The following CCL26 variants were observed in gnomAD, a reference collection of about 807,000 sequenced individuals.
CCL26 encodes C-C motif chemokine ligand 26, also known as C-C motif chemokine 26.
CCL26 carries 10 observed loss-of-function variants against 10.7 expected under a neutral mutation model. The observed-to-expected ratio is 0.93, with a 90% CI of 0.57 to 1.58. The LOEUF (loss-of-function observed/expected upper bound fraction) is 1.58, where lower values mean the gene tolerates loss of function less well. CCL26 is among the 40% of genes most tolerant of loss of function. The probability of loss-of-function intolerance (pLI) is 0.00; values close to 1 mark genes in which losing one functional copy is unlikely to be tolerated. For synonymous variants in CCL26, 43 were observed against 41.4 expected, an observed-to-expected ratio of 1.04 and a Z score of -0.15; for missense variants, 116 against 111.0, an observed-to-expected ratio of 1.05 and a Z score of -0.20.
At chr7:75,783,332 C>T (rs1490326415) in intron 1 of CCL26, among the ~76,000 whole-genome samples, 4 of 152,124 alleles carry the variant, frequency 2.6e-5, no homozygotes, top group South Asian at 2.1e-4. Context: ...CACTGATAAC[C>T]GCCGGCTTCA....
chr7:75,778,902 G>A (rs190024640), intron 1 of CCL26, among the ~76,000 whole-genome samples: 135 of 152,192 alleles, frequency 8.9e-4, no homozygotes, highest in African/African-American at 3.0e-3. Flanking sequence ...CCAACATGGT[G>A]AAACCCCATT....
At chr7:75,781,287 C>T (rs988958480) in intron 1 of CCL26, among the ~76,000 whole-genome samples, 33 of 152,344 alleles carry the variant, frequency 2.2e-4, no homozygotes, top group African/African-American at 6.5e-4. Flanking sequence ...CAAGTAGCAA[C>T]GTATTTCTGA....
At chr7:75,779,765 T>C (rs782495168) in intron 1 of CCL26, among the ~76,000 whole-genome samples, 1 of 152,178 alleles carries the variant, frequency 6.6e-6, no homozygotes, top group Non-Finnish European at 1.5e-5. Flanking sequence ...CCACATTCCC[T>C]TGGTGGCAAG....
At chr7:75,776,513 A>AAAGGAAGGAAGG (rs58177095), upstream of CCL26, among the ~76,000 whole-genome samples, 9 of 109,072 alleles carry the variant, frequency 8.3e-5, no homozygotes, top group African/African-American at 1.9e-4. Context: ...TGCACTCCAA[A>AAAGGAAGGAAGG]AAGGAAGGAA....
At chr7:75,790,245 C>CCAT (rs1803305148), upstream of CCL26, among the ~76,000 whole-genome samples, 17 of 92,614 alleles carry the variant, frequency 1.8e-4, no homozygotes, top group South Asian at 2.5e-3. Context: ...CTTCCATCCT[C>CCAT]CCTCCCTCCC....
chr7:75,772,685 A>C (rs945337463), upstream of CCL26, among the ~76,000 whole-genome samples: 1 of 150,006 alleles, frequency 6.7e-6, no homozygotes, highest in Non-Finnish European at 1.5e-5. Flanking sequence ...AACAAACAAC[A>C]AAAAAAAACA....
intron 1 of CCL26, among the ~76,000 whole-genome samples, chr7:75,777,457 T>C (rs1341727005): frequency 2.6e-5 from 4 of 151,798 alleles, no homozygotes; most frequent in African/African-American, 9.7e-5. Flanking sequence ...GGGGAAAAAG[T>C]CAGATATAAG....
rs1430142257 is a variant in CCL26, at chr7:75,788,489, G to GC, written c.-79+1227dup. ...CTCTCTTTTTGGACTCAGCCCGCCT[G>GC]CACCCAGGTGACTAAAAAGCTTTAT... On this transcript the variant is annotated intron_variant, in intron 1 of 3. Transcript: ENST00000394905. Among the ~76,000 whole-genome samples the GC allele has an allele frequency of 2.0e-5, 3 of 151,582 alleles. 1 individual carries two copies. The highest frequency in any genetic ancestry group is 2.0e-4 in the Admixed American group (3 of 15,174).
At chr7:75,786,199 G>A (rs1803181006) in intron 1 of CCL26, among the ~76,000 whole-genome samples, 1 of 152,118 alleles carries the variant, frequency 6.6e-6, no homozygotes, top group Non-Finnish European at 1.5e-5. Flanking sequence ...TCCCATGACT[G>A]TATCTCTCTG....
chr7:75,788,766 A>C (rs1803258178), intron 1 of CCL26, among the ~76,000 whole-genome samples: 1 of 150,580 alleles, frequency 6.6e-6, no homozygotes, highest in Non-Finnish European at 1.5e-5. Flanking sequence ...GAGTCAGAAG[A>C]GTGGTCACCC....
intron 1 of CCL26, among the ~76,000 whole-genome samples, chr7:75,786,379 C>T (rs1554530003): frequency 6.6e-6 from 1 of 152,162 alleles, no homozygotes; most frequent in African/African-American, 2.4e-5. Flanking sequence ...ACCGCTCTGC[C>T]TCCCTCCACT....
rs1554527884 is a variant in CCL26 at position 75,769,742 on chromosome 7, T to G, written c.236A>C (p.Lys79Thr). The G allele has an allele frequency of 6.2e-7, 1 of 1,613,184 alleles. No individual in the cohort carries two copies. Among genetic ancestry groups the G allele is most frequent in the East Asian group, 2.2e-5 (1 of 44,884 alleles). The change falls in exon 3 of 3, where the codon AAA becomes ACA. Residue 79 changes from lysine (K) to threonine (T), a missense_variant. Transcript: ENST00000005180. ...TAAAGAAATGTATTTTTGCACCCAT[T>G]TTTTCCTTGGATGGGTACAGACTTT... ...GKKVCTHPRK[K>T]WVQKYISLLK... is the part of the protein sequence containing the mutation.
chr7:75,773,205 T>C (rs1254408282), upstream of CCL26, among the ~76,000 whole-genome samples: 6 of 151,462 alleles, frequency 4.0e-5, no homozygotes, highest in Admixed American at 4.0e-4. Context: ...CAACAAATAA[T>C]ATATATATAT....
upstream of CCL26, among the ~76,000 whole-genome samples, chr7:75,773,586 G>C (rs974663541): frequency 1.3e-5 from 2 of 151,894 alleles, no homozygotes; most frequent in African/African-American, 4.8e-5. Flanking sequence ...TTTTGTGTGT[G>C]TGTGTGGGGC....
rs2302009 is a variant in CCL26, at chr7:75,769,680, A to C, written c.*13T>G. Reference sequence around the variant, plus strand: ...GCGGGGTCCAAGCGTCCTCGGATGAAAATTCAGCTGAGTCACAATTGTTTC... The same window carrying C: ...GCGGGGTCCAAGCGTCCTCGGATGACAATTCAGCTGAGTCACAATTGTTTC... On this transcript the variant is annotated 3_prime_UTR_variant, in exon 3 of 3. Coordinates refer to ENST00000005180, the MANE Select transcript of CCL26 (RefSeq NM_001371938.1). The C allele has an allele frequency of 0.25, 398,652 of 1,581,242 alleles. 52,309 individuals are homozygous for C. Among genetic ancestry groups the C allele is most frequent in the African/African-American group, 0.41 (30,121 of 74,340 alleles).
intron 1 of CCL26, among the ~76,000 whole-genome samples, chr7:75,777,721 G>GAAAAAAAAAAAAAAAAAAA (rs60039632): frequency 1.7e-5 from 1 of 60,552 alleles, no homozygotes; most frequent in Admixed American, 2.8e-4. Context: ...TCCTGTCTCA[G>GAAAAAAAAAAAAAAAAAAA]AAAAAAAAAA....
intron 1 of CCL26, among the ~76,000 whole-genome samples, chr7:75,789,461 CTTTTTTTTT>C (rs35341116): frequency 8.1e-6 from 1 of 123,002 alleles, no homozygotes; most frequent in African/African-American, 3.1e-5. Flanking sequence ...CTCTTTTTCT[CTTTTTTTTT>C]TTTTTTTGCC....
At chr7:75,774,263 A>T (rs1802888335), upstream of CCL26, among the ~76,000 whole-genome samples, 1 of 151,978 alleles carries the variant, frequency 6.6e-6, no homozygotes, top group South Asian at 2.1e-4. Context: ...AATTCTCGTG[A>T]CTCAGCCTCC....
intron 1 of CCL26, among the ~76,000 whole-genome samples, chr7:75,777,770 ATGT>A (rs1401536193): frequency 6.7e-6 from 1 of 149,562 alleles, no homozygotes; most frequent in Non-Finnish European, 1.5e-5. Context: ...AGAAAGAATA[ATGT>A]TGTAGGATTC....
Sources: allele counts gnomAD v4.1 joint callset (sites outside exome capture counted in the v4.1 genomes callset), GRCh38; gene constraint gnomAD v4.1.1; transcripts MANE v1.5; gene names NCBI Gene and HGNC (gene_info 2026-07-23, HGNC 2026-07-21).